Variants in PI4KA observed in about 807,000 individuals in gnomAD.
The protein encoded by PI4KA is PI4-kinase alpha.
Under a neutral mutation model 271.4 loss-of-function variants are expected in PI4KA, and 122 were observed. The ratio of observed to expected loss-of-function variants is 0.45; its 90% CI spans 0.39 to 0.52. The LOEUF is 0.52. PI4KA is among the 20% of genes least tolerant of loss of function. The pLI is 0.00. For missense variants in PI4KA, 1,969 were observed against 2,769.1 expected, an observed-to-expected ratio of 0.71 and a Z score of 6.48; for synonymous variants, 1,041 against 1,078.8, an observed-to-expected ratio of 0.96 and a Z score of 0.69.
In PI4KA at chr22:20,804,489, T is replaced by G. The variant is rs895104872; in HGVS notation, c.1361-89A>C. ...TCCACCAAGTAAGCACAGAATTTAATAAAACCCCAGAGACATACTTTAGGC... is the reference window on the plus strand; with the variant it reads ...TCCACCAAGTAAGCACAGAATTTAAGAAAACCCCAGAGACATACTTTAGGC... On this transcript the variant is annotated intron_variant, in intron 11 of 54. Transcript: ENST00000255882. 4.4e-6 allele frequency: 4 copies of G among 901,378 alleles called. No homozygotes were observed. In the African/African-American group the frequency reaches 6.5e-5, roughly 15 times the overall value. 55.8% of individuals were successfully genotyped at this position (901,378 alleles called of 1,614,324 possible). A position where few individuals can be genotyped will look rare whatever the true frequency, so the allele number is the denominator to read the frequency against.
chr22:20,784,632 C>A (rs1472728803), intron 19 of PI4KA, among the ~76,000 whole-genome samples: 1 of 152,098 alleles, frequency 6.6e-6, no homozygotes, highest in East Asian at 1.9e-4. Flanking sequence ...TACTTGGAAC[C>A]TAGGAGGCAC....
intron 32 of PI4KA, among the ~76,000 whole-genome samples, chr22:20,739,128 A>G (rs980053510): frequency 2.0e-5 from 3 of 151,638 alleles, no homozygotes; most frequent in East Asian, 1.9e-4. Context: ...GGCGGATCAC[A>G]AGGTCAGGAG....
At chr22:20,725,501 G>A (rs184412336) in intron 42 of PI4KA, 52 of 448,324 alleles carry the variant, frequency 1.2e-4, no homozygotes, top group African/African-American at 1.0e-3. Flanking sequence ...AATAGGGTGG[G>A]TCCTAATCTA....
chr22:20,726,216 A>AGCCTGGCCAGGCT (rs1205658011), intron 42 of PI4KA: 4 of 366,436 alleles, frequency 1.1e-5, no homozygotes, highest in African/African-American at 4.3e-5. Flanking sequence ...ATGAGAGGGA[A>AGCCTGGCCAGGCT]GCCTGGCCAG....
At chr22:20,799,018 T>A in intron 16 of PI4KA, 75 bp downstream of exon 16, 1 of 1,225,326 alleles carries the variant, frequency 8.2e-7, no homozygotes, top group Non-Finnish European at 1.2e-6. Flanking sequence ...AATCTGTATT[T>A]GTACATCCCT....
intron 18 of PI4KA, 135 bp from the exon 19 acceptor site, chr22:20,793,378 G>C: frequency 1.8e-6 from 1 of 557,078 alleles, no homozygotes; most frequent in Middle Eastern, 4.5e-4. Context: ...GATATGCAGA[G>C]AGAGGCAGAG....
intron 3 of PI4KA, among the ~76,000 whole-genome samples, chr22:20,832,404 T>C (rs1387881021): frequency 6.6e-6 from 1 of 152,082 alleles, no homozygotes; most frequent in Non-Finnish European, 1.5e-5. Flanking sequence ...TATGAGCCAC[T>C]GCGCCCAGCC....
At chr22:20,799,616 C>T (rs1601525561) in intron 15 of PI4KA, 55 bp downstream of exon 15, 6 of 1,265,044 alleles carry the variant, frequency 4.7e-6, no homozygotes, top group East Asian at 5.1e-5. Flanking sequence ...AGGTGCCCCA[C>T]ACGAGCCTGC....
At chr22:20,757,383 G>A (rs1931423412) in intron 23 of PI4KA, among the ~76,000 whole-genome samples, 1 of 152,164 alleles carries the variant, frequency 6.6e-6, no homozygotes, top group African/African-American at 2.4e-5. Context: ...ATTAAGGTGA[G>A]GAGGAACAAT....
chr22:20,820,737 T>A (rs1173460372), intron 4 of PI4KA, 126 bp from the exon 5 acceptor site: 3 of 662,744 alleles, frequency 4.5e-6, no homozygotes, highest in Admixed American at 2.7e-5. Context: ...GATACATCCC[T>A]CCACAACGAC....
Position 20,727,297 on chromosome 22 carries a change from G to A in PI4KA, c.4874C>T (p.Ser1625Phe). ...GAGAGGGTGCGGCGGGTACATGCTG[G>A]AGAAGTAGGAGAGGCCTGTGGGTGG... ...TDPPTGLSYF[S>F]SMYPPHPLTA... Residue 1625 changes from serine (S) to phenylalanine (F), a missense_variant, in exon 41 of 55, where the codon TCC (serine) becomes TTC (phenylalanine). Physicochemically the swap from Ser to Phe is radical, Grantham distance 155. Coordinates refer to ENST00000255882, the MANE Select transcript of PI4KA (RefSeq NM_058004.4). 1 of 1,613,316 alleles carries A rather than the reference G, an allele frequency of 6.2e-7. No individual in the cohort carries two copies. The highest frequency in any genetic ancestry group is 8.5e-7 in the Non-Finnish European group (1 of 1,179,964).
At chr22:20,750,469 G>C (rs1419543245) in intron 27 of PI4KA, among the ~76,000 whole-genome samples, 1 of 152,206 alleles carries the variant, frequency 6.6e-6, no homozygotes, top group Non-Finnish European at 1.5e-5. Flanking sequence ...AGAAGCCCAA[G>C]AGACTAGCAC....
chr22:20,742,623 G>C lies in PI4KA; in HGVS notation c.3598C>G (p.Leu1200Val). 2 of 1,614,174 alleles carry C rather than the reference G, an allele frequency of 1.2e-6. No individual in the cohort carries two copies. Among genetic ancestry groups the C allele is most frequent in the Non-Finnish European group, 1.7e-6 (2 of 1,180,012 alleles). ...TQAMFKLTAM[L>V]ISSKDCDPQL... ...AGTGAGTTACCTTTACTGCTAATGAGCATTGCGGTCAGCTTGAACATGGCC... is the reference window on the plus strand; with the variant it reads ...AGTGAGTTACCTTTACTGCTAATGACCATTGCGGTCAGCTTGAACATGGCC... Residue 1200 changes from leucine (L) to valine (V), a missense_variant, in exon 31 of 55, where the codon CTC becomes GTC. Coordinates refer to ENST00000255882, the MANE Select transcript of PI4KA (RefSeq NM_058004.4).
intron 28 of PI4KA, among the ~76,000 whole-genome samples, chr22:20,748,403 G>A (rs1930339724): frequency 6.6e-6 from 1 of 152,146 alleles, no homozygotes; most frequent in Non-Finnish European, 1.5e-5. Context: ...CAGCATACCA[G>A]CAGCCTGGTG....
intron 7 of PI4KA, among the ~76,000 whole-genome samples, chr22:20,816,906 G>C (rs1184115430): frequency 6.6e-6 from 1 of 152,170 alleles, no homozygotes; most frequent in Admixed American, 6.5e-5. Flanking sequence ...ACAGAGGGTG[G>C]ACAATGAGCT....
At chr22:20,790,060 TTAAC>T (rs1187008440) in intron 19 of PI4KA, among the ~76,000 whole-genome samples, 2 of 152,200 alleles carry the variant, frequency 1.3e-5, no homozygotes, top group Non-Finnish European at 2.9e-5. Flanking sequence ...TTCAAAACGT[TTAAC>T]TAACAAGCTA....
intron 1 of PI4KA, among the ~76,000 whole-genome samples, chr22:20,846,557 T>C (rs185310877): frequency 1.3e-5 from 2 of 151,362 alleles, no homozygotes; most frequent in Admixed American, 6.6e-5. Flanking sequence ...TCAGGAAAAA[T>C]AGCTGTCAGG....
In PI4KA at chr22:20,711,616, A is replaced by G; in HGVS notation, c.5803-155T>C. On this transcript the variant is annotated intron_variant, in intron 50 of 54. Coordinates refer to ENST00000255882, the MANE Select transcript of PI4KA (RefSeq NM_058004.4). Reference sequence around the variant, plus strand: ...CCGAATCAGCAAGCCAGTCTTCGGTAGCAGGAGTGACAGGGGCTCTCTGTG... The same window carrying G: ...CCGAATCAGCAAGCCAGTCTTCGGTGGCAGGAGTGACAGGGGCTCTCTGTG... The G allele has an allele frequency of 6.4e-6, 5 of 778,830 alleles. No individual in the cohort carries two copies. The South Asian group carries it at 8.6e-5, about 13-fold the overall frequency. The allele number at this position is 778,830 out of a possible 1,614,324, so 48.2% of individuals were successfully genotyped here.
intron 19 of PI4KA, among the ~76,000 whole-genome samples, chr22:20,770,942 G>A (rs7289870): frequency 0.025 from 3,872 of 152,232 alleles, 161 homozygotes; most frequent in African/African-American, 0.089. Flanking sequence ...CTCTTTGGGA[G>A]GCCAAGGTGG....
Sources: allele counts gnomAD v4.1 joint callset (sites outside exome capture counted in the v4.1 genomes callset), GRCh38; gene constraint gnomAD v4.1.1; transcripts MANE v1.5; gene names NCBI Gene and HGNC (gene_info 2026-07-23, HGNC 2026-07-21).